Variants in SSBP2 observed in about 807,000 individuals in gnomAD.
The protein encoded by SSBP2 is single-stranded DNA-binding protein 2.
SSBP2 carries 17 observed loss-of-function variants against 61.8 expected under a neutral mutation model. That is an observed-to-expected ratio of 0.28 (90% CI 0.19 to 0.41). The LOEUF (loss-of-function observed/expected upper bound fraction) is 0.41. Among genes scored for constraint, SSBP2 ranks in the 10% least tolerant of loss-of-function variants. The probability of loss-of-function intolerance (pLI) is 1.00; values close to 1 mark genes in which losing one functional copy is unlikely to be tolerated. For synonymous variants in SSBP2, 139 were observed against 141.3 expected, an observed-to-expected ratio of 0.98 and a Z score of 0.12; for missense variants, 310 against 458.7, an observed-to-expected ratio of 0.68 and a Z score of 2.96.
chr5:81,722,175 A>G (rs1241190235), intron 1 of SSBP2, among the ~76,000 whole-genome samples: 1 of 152,040 alleles, frequency 6.6e-6, no homozygotes, highest in African/African-American at 2.4e-5. Context: ...AACAGCAAAA[A>G]GAATACAAAA....
At chr5:81,625,321 A>C (rs572118012) in intron 3 of SSBP2, among the ~76,000 whole-genome samples, 1 of 152,276 alleles carries the variant, frequency 6.6e-6, no homozygotes, top group East Asian at 1.9e-4. Flanking sequence ...GGCCAAGCTC[A>C]GAAAATTTTG....
chr5:81,535,817 A>G (rs1770758481), intron 4 of SSBP2, among the ~76,000 whole-genome samples: 1 of 152,110 alleles, frequency 6.6e-6, no homozygotes, highest in Non-Finnish European at 1.5e-5. Context: ...CTTCTAGATA[A>G]TAACATATAA....
chr5:81,557,294 A>G (rs1295709765), intron 4 of SSBP2, among the ~76,000 whole-genome samples: 2 of 152,148 alleles, frequency 1.3e-5, no homozygotes, highest in Non-Finnish European at 2.9e-5. Context: ...GTTTTGAACA[A>G]TTTGATTATC....
intron 2 of SSBP2, among the ~76,000 whole-genome samples, chr5:81,649,946 G>A (rs892610320): frequency 1.3e-5 from 2 of 151,980 alleles, no homozygotes; most frequent in Non-Finnish European, 2.9e-5. Flanking sequence ...GAGAGATATG[G>A]TTGAGGGTTT....
chr5:81,487,702 G>C (rs1382860324), intron 6 of SSBP2, among the ~76,000 whole-genome samples: 1 of 151,358 alleles, frequency 6.6e-6, no homozygotes, highest in Non-Finnish European at 1.5e-5. Context: ...ATTATGTAAT[G>C]ATTATCACAA....
At chr5:81,450,482 A>T (rs1169305284) in intron 10 of SSBP2, among the ~76,000 whole-genome samples, 1 of 152,164 alleles carries the variant, frequency 6.6e-6, no homozygotes, top group East Asian at 1.9e-4. Flanking sequence ...TTAAGATACA[A>T]TCTAATTAGC....
intron 1 of SSBP2, among the ~76,000 whole-genome samples, chr5:81,746,516 TTAA>T (rs938110641): frequency 2.6e-5 from 4 of 152,222 alleles, no homozygotes; most frequent in East Asian, 3.9e-4. Flanking sequence ...AGGGGGTACC[TTAA>T]TGATGGGGGA....
intron 4 of SSBP2, among the ~76,000 whole-genome samples, chr5:81,547,058 G>A (rs971563717): frequency 0.012 from 243 of 20,202 alleles, no homozygotes; most frequent in African/African-American, 0.018. Flanking sequence ...AAAAAAAAAA[G>A]TCTATCAAGA....
intron 4 of SSBP2, among the ~76,000 whole-genome samples, chr5:81,608,688 T>C (rs895368257): frequency 1.3e-5 from 2 of 152,146 alleles, no homozygotes; most frequent in Admixed American, 6.5e-5. Context: ...CTGTAATGGA[T>C]TGAGATGTTG....
chr5:81,499,870 G>A (rs528009887), intron 5 of SSBP2, among the ~76,000 whole-genome samples: 1 of 152,268 alleles, frequency 6.6e-6, no homozygotes, highest in Admixed American at 6.5e-5. Context: ...ATGAAGTATG[G>A]AAGATAGGTA....
chr5:81,477,798 G>T (rs1765694106), intron 6 of SSBP2, among the ~76,000 whole-genome samples: 1 of 152,106 alleles, frequency 6.6e-6, no homozygotes, highest in African/African-American at 2.4e-5. Context: ...TACTGTCACA[G>T]AATAATAAAT....
intron 3 of SSBP2, among the ~76,000 whole-genome samples, chr5:81,622,999 G>C (rs1581191188): frequency 6.6e-6 from 1 of 152,088 alleles, no homozygotes. Context: ...TTAGGAGAGT[G>C]AAAGTTATAA....
At chr5:81,610,045 A>G (rs1189470547) in intron 4 of SSBP2, among the ~76,000 whole-genome samples, 3 of 152,098 alleles carry the variant, frequency 2.0e-5, no homozygotes, top group African/African-American at 7.2e-5. Context: ...TTCTTCTTGG[A>G]TGCGGGACAA....
At chr5:81,688,800 T>C (rs73137646) in intron 1 of SSBP2, among the ~76,000 whole-genome samples, 3,566 of 152,122 alleles carry the variant, frequency 0.023, 113 homozygotes, top group African/African-American at 0.075. Context: ...TGCCTAACTC[T>C]TCAATGCTCG....
chr5:81,571,514 T>C (rs1289223339), intron 4 of SSBP2, among the ~76,000 whole-genome samples: 1 of 152,186 alleles, frequency 6.6e-6, no homozygotes, highest in Non-Finnish European at 1.5e-5. Context: ...CAACTTATAA[T>C]GACCTAAAAC....
At chr5:81,454,899 A>G (rs1302645460) in intron 10 of SSBP2, among the ~76,000 whole-genome samples, 1 of 152,124 alleles carries the variant, frequency 6.6e-6, no homozygotes, top group African/African-American at 2.4e-5. Context: ...AAAATATGAC[A>G]CAATTAGCTG....
At chr5:81,655,956 T>G (rs1230895406) in intron 1 of SSBP2, among the ~76,000 whole-genome samples, 1 of 152,150 alleles carries the variant, frequency 6.6e-6, no homozygotes, top group African/African-American at 2.4e-5. Flanking sequence ...TTTTTAAGAG[T>G]AGGAGGACCC....
intron 4 of SSBP2, among the ~76,000 whole-genome samples, chr5:81,564,829 A>T (rs1773303476): frequency 6.6e-6 from 1 of 152,242 alleles, no homozygotes; most frequent in Non-Finnish European, 1.5e-5. Context: ...GATCCTTCTA[A>T]CACCAAACAT....
Position 81,572,734 on chromosome 5 carries a change from T to A in SSBP2, c.282+42739A>T, listed in dbSNP as rs6880617. On this transcript the variant is annotated intron_variant, in intron 4 of 16. Coordinates refer to ENST00000320672, the MANE Select transcript of SSBP2 (RefSeq NM_012446.5). Reference sequence around the variant, plus strand: ...ACTTCAGTACTCTTCCTCTTTTAACTTACCTCATCTCTAGCATCTTTAAAA... The same window carrying A: ...ACTTCAGTACTCTTCCTCTTTTAACATACCTCATCTCTAGCATCTTTAAAA... Among the ~76,000 whole-genome samples, 898 of 152,334 alleles carry A rather than the reference T, an allele frequency of 5.9e-3. 12 individuals carry two copies. Among genetic ancestry groups the A allele is most frequent in the African/African-American group, 0.021 (862 of 41,580 alleles).
Sources: gnomAD v4.1 joint callset for allele counts (sites outside exome capture counted in the v4.1 genomes callset) on GRCh38, gnomAD v4.1.1 for gene constraint, MANE v1.5 for transcripts, NCBI Gene and HGNC (gene_info 2026-07-23, HGNC 2026-07-21) for gene names.